Variants in RBBP4 observed in about 807,000 individuals in gnomAD.
The protein encoded by RBBP4 is RB binding protein 4, chromatin remodeling factor.
RBBP4 carries 3 observed loss-of-function variants against 57.2 expected under a neutral mutation model. The observed-to-expected ratio is 0.05, with a 90% confidence interval of 0.02 to 0.14. The LOEUF is 0.14. Ranked by LOEUF, RBBP4 falls within the 10% of genes least tolerant of loss-of-function variation. RBBP4 has a pLI of 1.00. For synonymous variants in RBBP4, 151 were observed against 171.5 expected (o/e 0.88, Z 0.93); for missense variants, 107 against 520.6 (o/e 0.21, Z 7.73).
In RBBP4 at chr1:32,680,347, T is replaced by TG. The variant is rs199920140; in HGVS notation, c.*642_*643insG. On this transcript the variant is annotated 3_prime_UTR_variant, in exon 12 of 12. Coordinates refer to ENST00000373493, the MANE Select transcript of RBBP4 (RefSeq NM_005610.3). The stretch of plus-strand genomic sequence containing the variant: ...CTGTCTGTGAAATGGTGTTTTTTTT[T>TG]TTGTTGTTGGTTTTTTTTTTTTTTT... The TG allele has an allele frequency of 0.047, 56,897 of 1,210,636 alleles. 3,245 individuals are homozygous for TG. The highest frequency in any genetic ancestry group is 0.26 in the African/African-American group (15,188 of 58,272). 75.0% of individuals were successfully genotyped at this position (1,210,636 alleles called of 1,614,324 possible). A position where few individuals can be genotyped will look rare whatever the true frequency, so the allele number is the denominator to read the frequency against.
chr1:32,651,432 G>C (rs1428114520), intron 1 of RBBP4, 110 bp downstream of exon 1: 11 of 1,371,414 alleles, frequency 8.0e-6, no homozygotes, highest in Non-Finnish European at 9.4e-6. Context: ...TGCAGTCCCC[G>C]GTACTGAAGG....
chr1:32,680,485 A>G lies in RBBP4; in HGVS notation c.*780A>G. The G allele has an allele frequency of 6.5e-7, 1 of 1,540,058 alleles. No individual in the cohort carries two copies. Among genetic ancestry groups the G allele is most frequent in the Non-Finnish European group, 8.8e-7 (1 of 1,142,690 alleles). On this transcript the variant is annotated 3_prime_UTR_variant, in exon 12 of 12. Transcript: ENST00000373493. ...ATCAATAACTTGTATTTGTTTTAAA[A>G]ATTAAATTAATCCTTGATAAGAGTT...
Position 32,669,780 on chromosome 1 carries a change from C to T in RBBP4, c.966+217C>T, listed in dbSNP as rs1472847534. On this transcript the variant is annotated intron_variant, in intron 8 of 11. Transcript: ENST00000373493. This position sits in a 1 kb window ranked among gnomAD's most constrained non-coding sequence, Gnocchi z 4.9. ...TGGCGGATGCCCGTAGTCCCAGCTA[C>T]TCGGGAGGCTGAGGCAGGAGAATGG... Among the ~76,000 whole-genome samples, 1 of 152,064 alleles carries T rather than the reference C, an allele frequency of 6.6e-6. No homozygotes were observed. The highest frequency in any genetic ancestry group is 1.5e-5 in the Non-Finnish European group (1 of 68,022).
At chr1:32,660,915 T>G (rs1487960790) in intron 3 of RBBP4, among the ~76,000 whole-genome samples, 1 of 152,196 alleles carries the variant, frequency 6.6e-6, no homozygotes, top group Admixed American at 6.6e-5. Context: ...GCTCAAGCAG[T>G]CCTCCTGCCT....
rs1206473410 is a variant in RBBP4 at position 32,681,946 on chromosome 1, G to T, written c.*2241G>T. ...TTTGTTGAGAAGAGATTGTTACAGTGTGATTTATGGATGATCAGGGATGAC... is the reference window on the plus strand; with the variant it reads ...TTTGTTGAGAAGAGATTGTTACAGTTTGATTTATGGATGATCAGGGATGAC... On this transcript the variant is annotated 3_prime_UTR_variant, in exon 12 of 12. Transcript: ENST00000373493. 1.6e-6 allele frequency: 2 copies of T among 1,227,680 alleles called. No homozygotes were observed. Among genetic ancestry groups the T allele is most frequent in the Non-Finnish European group, 2.4e-6 (2 of 835,308 alleles). 76.0% of individuals were successfully genotyped at this position (1,227,680 alleles called of 1,614,324 possible). A position where few individuals can be genotyped will look rare whatever the true frequency, so the allele number is the denominator to read the frequency against.
At chr1:32,663,777 G>A (rs913128151) in intron 3 of RBBP4, among the ~76,000 whole-genome samples, 1 of 151,134 alleles carries the variant, frequency 6.6e-6, no homozygotes, top group South Asian at 2.1e-4. Flanking sequence ...GGGGTTTCAC[G>A]GTGTTAGCCA....
Position 32,669,816 on chromosome 1 carries a change from G to A in RBBP4, c.966+253G>A, listed in dbSNP as rs188732043. 1.3e-5 allele frequency among the ~76,000 whole-genome samples: 2 copies of A among 152,236 alleles called. No homozygotes were observed. The highest frequency in any genetic ancestry group is 2.1e-4 in the South Asian group (1 of 4,818). On this transcript the variant is annotated intron_variant, in intron 8 of 11. Coordinates refer to ENST00000373493, the MANE Select transcript of RBBP4 (RefSeq NM_005610.3). The surrounding 1 kb of genome is among the most constrained non-coding windows in gnomAD (Gnocchi z 4.9). ...GAGGCAGGAGAATGGCATGAAACCC[G>A]GGAGGCAGAGGTTGCAGTGAGCCGA... is the stretch of plus-strand genomic sequence containing the variant.
intron 3 of RBBP4, among the ~76,000 whole-genome samples, chr1:32,662,712 C>T (rs541009799): frequency 4.0e-5 from 6 of 151,898 alleles, no homozygotes; most frequent in East Asian, 3.9e-4. Flanking sequence ...TCAGCCCAGG[C>T]GCAGTGGCTG....
At position 32,682,444 on chromosome 1, in the gene RBBP4, A is replaced by AAAATG. The variant is rs55901903; in HGVS notation, c.*2743_*2744insGAAAT. On this transcript the variant is annotated 3_prime_UTR_variant, in exon 12 of 12. Transcript: ENST00000373493. ...CATCTCTACTAAAAAGAAATTTAAA[A>AAAATG]AAATAAAATCCTAGAAAATTAGAAA... The AAAATG allele has an allele frequency of 0.88, 128,804 of 146,340 alleles. 56,096 individuals are homozygous for AAAATG. The highest frequency in any genetic ancestry group is 0.95 in the Non-Finnish European group (64,297 of 67,912). The allele number at this position is 146,340 out of a possible 1,614,324, so 9.1% of individuals were successfully genotyped here. A position where few individuals can be genotyped will look rare whatever the true frequency, so the allele number is the denominator to read the frequency against.
chr1:32,651,756 C>A, intron 1 of RBBP4, 158 bp from the exon 2 acceptor site: 1 of 937,014 alleles, frequency 1.1e-6, no homozygotes, highest in East Asian at 2.7e-5. Context: ...GGAGTTTCGG[C>A]GCCGCGAAAG....
At chr1:32,653,650 T>TTG (rs1648000517) in intron 2 of RBBP4, among the ~76,000 whole-genome samples, 3 of 29,894 alleles carry the variant, frequency 1.0e-4, no homozygotes, top group Admixed American at 3.6e-4. Flanking sequence ...TTTTTTTTTT[T>TTG]TTTTTTTTTG....
At chr1:32,667,859 A>G (rs759385773) in intron 3 of RBBP4, among the ~76,000 whole-genome samples, 17 of 152,160 alleles carry the variant, frequency 1.1e-4, no homozygotes, top group Non-Finnish European at 2.1e-4. Flanking sequence ...TACCTATAAT[A>G]CCTAATATAA....
intron 2 of RBBP4, among the ~76,000 whole-genome samples, chr1:32,653,264 A>G (rs1416748435): frequency 6.6e-6 from 1 of 152,038 alleles, no homozygotes; most frequent in African/African-American, 2.4e-5. Context: ...GCAAAAAACA[A>G]AGAGGAGGGT....
Position 32,658,390 on chromosome 1 carries a change from A to G in RBBP4, c.310+818A>G, listed in dbSNP as rs556931791. On this transcript the variant is annotated intron_variant, in intron 3 of 11. Transcript: ENST00000373493. ...AAAAAAAAAAAGGTTGAGAAACACTAACTTAAATTACCCTTTCTAGGTTTA... is the reference window on the plus strand; with the variant it reads ...AAAAAAAAAAAGGTTGAGAAACACTGACTTAAATTACCCTTTCTAGGTTTA... Among the ~76,000 whole-genome samples the G allele has an allele frequency of 4.0e-5, 6 of 151,768 alleles. No individual in the cohort carries two copies. In the East Asian group the frequency reaches 1.2e-3, roughly 29 times the overall value.
chr1:32,657,673 T>A (rs909765027), intron 3 of RBBP4, 101 bp downstream of exon 3: 1 of 1,372,504 alleles, frequency 7.3e-7, no homozygotes, highest in African/African-American at 1.5e-5. Context: ...TATTTAAGGT[T>A]GAGGGAAAGC....
rs1649547998 is a variant in RBBP4 at position 32,683,000 on chromosome 1, T to G, written c.*3295T>G. Reference sequence around the variant, plus strand: ...TCAGTGTCTAAAAGTTAAGTCTGTTTAGGCCAAGCATGGTGGCTCACACCT... The same window carrying G: ...TCAGTGTCTAAAAGTTAAGTCTGTTGAGGCCAAGCATGGTGGCTCACACCT... On this transcript the variant is annotated 3_prime_UTR_variant, in exon 12 of 12. Transcript: ENST00000373493. The G allele has an allele frequency of 6.6e-6, 1 of 151,996 alleles. No homozygotes were observed. Among genetic ancestry groups the G allele is most frequent in the Admixed American group, 6.6e-5 (1 of 15,228 alleles). The allele number at this position is 151,996 out of a possible 1,614,324, so 9.4% of individuals were successfully genotyped here. A position where few individuals can be genotyped will look rare whatever the true frequency, so the allele number is the denominator to read the frequency against.
chr1:32,656,204 T>C (rs768834859), intron 2 of RBBP4, among the ~76,000 whole-genome samples: 1 of 152,210 alleles, frequency 6.6e-6, no homozygotes, highest in Non-Finnish European at 1.5e-5. Context: ...TTTTTTTCTT[T>C]TTTGAGACAG....
Position 32,685,819 on chromosome 1 carries a change from A to G in RBBP4, c.*6114A>G, listed in dbSNP as rs1029387169. 6.6e-6 allele frequency: 1 copy of G among 152,236 alleles called. No homozygotes were observed. Among genetic ancestry groups the G allele is most frequent in the African/African-American group, 2.4e-5 (1 of 41,456 alleles). The allele number at this position is 152,236 out of a possible 1,614,324, so 9.4% of individuals were successfully genotyped here. A position where few individuals can be genotyped will look rare whatever the true frequency, so the allele number is the denominator to read the frequency against. On this transcript the variant is annotated 3_prime_UTR_variant, in exon 12 of 12. Coordinates refer to ENST00000373493, the MANE Select transcript of RBBP4 (RefSeq NM_005610.3). ...GAGTGGAACAGCCTCAATGAAATGA[A>G]GGAAGGATTGCTACAGTGGCATTAA...
At chr1:32,661,281 T>C (rs1038311213) in intron 3 of RBBP4, among the ~76,000 whole-genome samples, 3 of 148,860 alleles carry the variant, frequency 2.0e-5, no homozygotes, top group African/African-American at 7.4e-5. Context: ...CTGGGTTGAA[T>C]GGTAGTTCTA....
Sources: gnomAD v4.1 joint callset for allele counts (sites outside exome capture counted in the v4.1 genomes callset) on GRCh38, gnomAD v4.1.1 for gene constraint, Gnocchi (gnomAD v3.1) non-coding constraint, MANE v1.5 for transcripts, NCBI Gene and HGNC (gene_info 2026-07-23, HGNC 2026-07-21) for gene names.